MAP3K19: variants seen among roughly 807,000 people sequenced by gnomAD.
The protein encoded by MAP3K19 is SPS1/STE20-related protein kinase YSK4.
MAP3K19 carries 91 observed loss-of-function variants against 114.4 expected under a neutral mutation model. That is an observed-to-expected ratio of 0.80 (90% CI 0.67 to 0.95). The LOEUF is 0.95. MAP3K19 is among the 40% of genes least tolerant of loss of function. The pLI is 0.00. For missense variants in MAP3K19, 1,471 were observed against 1,573.2 expected (o/e 0.94, Z 1.10); for synonymous variants, 518 against 530.5 (o/e 0.98, Z 0.32).
At chr2:134,977,652 G>T (rs1684338653) in intron 12 of MAP3K19, among the ~76,000 whole-genome samples, 1 of 151,964 alleles carries the variant, frequency 6.6e-6, no homozygotes, top group Admixed American at 6.5e-5. Flanking sequence ...GTGAGCCACC[G>T]CGCCCGGCTA....
At chr2:135,022,189 T>C (rs1318334422) in intron 4 of MAP3K19, among the ~76,000 whole-genome samples, 1 of 152,228 alleles carries the variant, frequency 6.6e-6, no homozygotes, top group Non-Finnish European at 1.5e-5. Flanking sequence ...TTTTAAGCTG[T>C]ATGAGAAATT....
At chr2:134,969,098 G>C (rs879717261) in intron 12 of MAP3K19, among the ~76,000 whole-genome samples, 2 of 152,176 alleles carry the variant, frequency 1.3e-5, no homozygotes, top group African/African-American at 4.8e-5. Context: ...CTGCAATCCC[G>C]GCACCTTGGG....
chr2:134,974,807 T>G (rs1684112670), intron 12 of MAP3K19, among the ~76,000 whole-genome samples: 2 of 152,210 alleles, frequency 1.3e-5, no homozygotes, highest in South Asian at 4.1e-4. Context: ...TTGGCACATG[T>G]GGTATAACAG....
Position 135,045,320 on chromosome 2 carries a change from C to T in MAP3K19, c.-424+1865G>A, listed in dbSNP as rs187418505. 4.6e-5 allele frequency among the ~76,000 whole-genome samples: 7 copies of T among 152,184 alleles called. No homozygotes were observed. In the East Asian group the frequency reaches 7.7e-4, roughly 17 times the overall value. ...AGTGTACTTGGAACCTTACTAAGGG[C>T]GGAAGGGGCAGATGATATACTCAAA... is the stretch of plus-strand genomic sequence containing the variant. On this transcript the variant is annotated intron_variant, in intron 1 of 12. Coordinates refer to ENST00000392915, the MANE Select transcript of MAP3K19 (RefSeq NM_025052.5).
At position 135,047,415 on chromosome 2, in the gene MAP3K19, T is replaced by A. The variant is rs1316356576; in HGVS notation, c.-654A>T. 6 of 152,218 alleles carry A rather than the reference T, an allele frequency of 3.9e-5. No homozygotes were observed. The highest frequency in any genetic ancestry group is 1.4e-4 in the African/African-American group (6 of 41,452). The allele number at this position is 152,218 out of a possible 1,614,324, so 9.4% of individuals were successfully genotyped here. ...TGTCTTTAATTAAGCTGGTCCTGCATGCACAAACCCTTTAGTTAGCTGCAA... is the reference window on the plus strand; with the variant it reads ...TGTCTTTAATTAAGCTGGTCCTGCAAGCACAAACCCTTTAGTTAGCTGCAA... On this transcript the variant is annotated 5_prime_UTR_variant, in exon 1 of 13. It removes an upstream start codon present in the reference 5' UTR. Coordinates refer to ENST00000392915, the MANE Select transcript of MAP3K19 (RefSeq NM_025052.5).
rs776945807 is a variant in MAP3K19, at chr2:134,999,932, C to T, written c.314+5G>A. 3.8e-6 allele frequency: 6 copies of T among 1,575,932 alleles called. No homozygotes were observed. Among genetic ancestry groups the T allele is most frequent in the Non-Finnish European group, 5.2e-6 (6 of 1,145,486 alleles). On this transcript the variant is annotated splice_donor_5th_base_variant and intron_variant, in intron 7 of 12. Transcript: ENST00000392915. The surrounding 1 kb of genome is among the most constrained non-coding windows in gnomAD (Gnocchi z 4.1). ...AAATCTGATACTTCAAAGAATATTC[C>T]TTACTTCTTTTCTTTTAAGTCTTCT...
intron 3 of MAP3K19, among the ~76,000 whole-genome samples, chr2:135,029,731 G>T (rs1688337938): frequency 6.6e-6 from 1 of 152,196 alleles, no homozygotes; most frequent in African/African-American, 2.4e-5. Context: ...GTAGGCAATT[G>T]CCAGTCACCA....
chr2:134,970,492 C>T lies in MAP3K19; in HGVS notation c.3921-5576G>A, dbSNP rs75242277. On this transcript the variant is annotated intron_variant, in intron 12 of 12. Transcript: ENST00000392915. ...CAACTTTACTGAATCTTTACTGAAT[C>T]GATCTAAGAGTTTTTTGGTGGAGTC... Among the ~76,000 whole-genome samples, 739 of 151,822 alleles carry T rather than the reference C, an allele frequency of 4.9e-3. 5 individuals are homozygous for T. The highest frequency in any genetic ancestry group is 0.017 in the African/African-American group (697 of 41,406).
intron 2 of MAP3K19, among the ~76,000 whole-genome samples, chr2:135,031,167 A>T (rs2104784857): frequency 6.6e-6 from 1 of 152,192 alleles, no homozygotes; most frequent in Middle Eastern, 3.4e-3. Flanking sequence ...TTAAAAAAAA[A>T]AAAAAAGGCA....
chr2:135,021,862 T>G, intron 4 of MAP3K19, 32 bp from the exon 5 acceptor site: 1 of 1,355,620 alleles, frequency 7.4e-7, no homozygotes. Context: ...TATGTTTTGA[T>G]AAGATTCATC....
At chr2:135,040,540 G>A (rs1204682420) in intron 1 of MAP3K19, 38 bp from the exon 2 acceptor site, 1 of 150,052 alleles carries the variant, frequency 6.7e-6, no homozygotes, top group Admixed American at 6.7e-5. Flanking sequence ...TATTCATCTT[G>A]CTAGTTCCAC....
intron 5 of MAP3K19, among the ~76,000 whole-genome samples, chr2:135,015,866 C>T (rs1305847136): frequency 6.6e-6 from 1 of 151,632 alleles, no homozygotes; most frequent in East Asian, 1.9e-4. Flanking sequence ...GCACTCTAGC[C>T]TGGCAACAGA....
chr2:135,038,289 TTGTA>T (rs1688575318), intron 2 of MAP3K19, among the ~76,000 whole-genome samples: 1 of 151,890 alleles, frequency 6.6e-6, no homozygotes, highest in Admixed American at 6.6e-5. Flanking sequence ...ATGTATATAT[TTGTA>T]TGTATATATT....
intron 1 of MAP3K19, among the ~76,000 whole-genome samples, chr2:135,046,730 C>T (rs1688753063): frequency 6.6e-6 from 1 of 152,136 alleles, no homozygotes; most frequent in African/African-American, 2.4e-5. Flanking sequence ...TTATAGTGTA[C>T]ATTTGATTTA....
chr2:135,037,257 CA>C (rs1688551781), intron 2 of MAP3K19, among the ~76,000 whole-genome samples: 1 of 152,240 alleles, frequency 6.6e-6, no homozygotes, highest in Non-Finnish European at 1.5e-5. Flanking sequence ...CTCGGCCTCC[CA>C]AAGTGCTGGG....
intron 5 of MAP3K19, among the ~76,000 whole-genome samples, chr2:135,019,757 C>G (rs916424849): frequency 3.3e-5 from 5 of 151,924 alleles, no homozygotes; most frequent in Non-Finnish European, 1.5e-5. Flanking sequence ...TCAAAAGGTA[C>G]AAATGAGTAA....
intron 2 of MAP3K19, among the ~76,000 whole-genome samples, chr2:135,039,211 G>A (rs1209587400): frequency 3.3e-5 from 5 of 150,514 alleles, no homozygotes; most frequent in African/African-American, 9.8e-5. Flanking sequence ...AAGAAAAAGA[G>A]CTTAAAACAT....
intron 5 of MAP3K19, among the ~76,000 whole-genome samples, chr2:135,011,672 T>TG: frequency 6.6e-6 from 1 of 151,944 alleles, no homozygotes; most frequent in African/African-American, 2.4e-5. Flanking sequence ...TGATGTTGTT[T>TG]GTTTGTTTGT....
rs181180246 is a variant in MAP3K19, at chr2:134,999,289, G to A, written c.315-292C>T. Among the ~76,000 whole-genome samples the A allele has an allele frequency of 6.6e-6, 1 of 152,104 alleles. No individual in the cohort carries two copies. Among genetic ancestry groups the A allele is most frequent in the South Asian group, 2.1e-4 (1 of 4,824 alleles). On this transcript the variant is annotated intron_variant, in intron 7 of 12. Transcript: ENST00000392915. This position sits in a 1 kb window ranked among gnomAD's most constrained non-coding sequence, Gnocchi z 4.1. ...TCAGAGACCAAGGGCAGGCCTGGGG[G>A]ATGTACCCTTTTATCTCCACAGGTA...
Sources: allele counts gnomAD v4.1 joint callset (sites outside exome capture counted in the v4.1 genomes callset), GRCh38; gene constraint gnomAD v4.1.1; non-coding constraint Gnocchi (gnomAD v3.1); transcripts MANE v1.5; gene names NCBI Gene and HGNC (gene_info 2026-07-23, HGNC 2026-07-21).